Variants in PREX2 observed in about 807,000 individuals in gnomAD.
PREX2 encodes phosphatidylinositol 3,4,5-trisphosphate-dependent Rac exchanger 2 protein.
A neutral mutation model predicts 203.2 loss-of-function variants in PREX2; 107 were observed. That is an observed-to-expected ratio of 0.53 (90% CI 0.45 to 0.62). The LOEUF is 0.62. PREX2 is among the 20% of genes least tolerant of loss of function. PREX2 has a pLI of 0.00. For synonymous variants in PREX2, 672 were observed against 663.6 expected (o/e 1.01, Z -0.19); for missense variants, 1,777 against 1,955.9 (o/e 0.91, Z 1.72).
intron 31 of PREX2, among the ~76,000 whole-genome samples, chr8:68,131,520 G>A (rs1811008483): frequency 6.6e-6 from 1 of 152,154 alleles, no homozygotes; most frequent in African/African-American, 2.4e-5. Flanking sequence ...TTGAATTGGT[G>A]AATGAAAATA....
chr8:68,161,735 A>G (rs1327574174), intron 35 of PREX2, among the ~76,000 whole-genome samples: 5 of 152,056 alleles, frequency 3.3e-5, no homozygotes, highest in Non-Finnish European at 5.9e-5. Context: ...AACTTTCTTT[A>G]CATCGTATTT....
chr8:68,078,711 C>T (rs370051158), intron 15 of PREX2, among the ~76,000 whole-genome samples: 3 of 152,000 alleles, frequency 2.0e-5, no homozygotes, highest in Non-Finnish European at 2.9e-5. Flanking sequence ...AAACTATGAA[C>T]GGAAGAAATT....
chr8:67,987,514 A>G (rs1036611079), intron 1 of PREX2, among the ~76,000 whole-genome samples: 5 of 152,216 alleles, frequency 3.3e-5, no homozygotes, highest in African/African-American at 1.2e-4. Flanking sequence ...ATGAAGTTGC[A>G]GCTGGCATTG....
At chr8:68,049,372 A>G (rs1054589655) in intron 8 of PREX2, among the ~76,000 whole-genome samples, 2 of 152,104 alleles carry the variant, frequency 1.3e-5, no homozygotes, top group East Asian at 1.9e-4. Context: ...TAGTCTGGCA[A>G]TTTCTTCTGT....
At position 68,108,313 on chromosome 8, in the gene PREX2, A is replaced by G. The variant is rs1215953628; in HGVS notation, c.2920A>G (p.Asn974Asp). The G allele has an allele frequency of 1.2e-6, 2 of 1,613,432 alleles. No homozygotes were observed. The highest frequency in any genetic ancestry group is 2.7e-5 in the African/African-American group (2 of 74,906). ...SRKHNSHDKENKSSEQGKLSP... is the reference protein window; with the variant it reads ...SRKHNSHDKEDKSSEQGKLSP... ...GAAGCATAATTCTCATGATAAAGAA[A>G]ACAAATCTTCGGAGCAAGGTATGCT... is the stretch of plus-strand genomic sequence containing the variant. The change falls in exon 24 of 40, where the codon AAC becomes GAC. Residue 974 changes from asparagine (N) to aspartate (D), a missense_variant. By Grantham distance (23) the Asn-to-Asp change is conservative. Transcript: ENST00000288368.
chr8:68,152,215 G>A (rs1811448192), intron 34 of PREX2, among the ~76,000 whole-genome samples: 1 of 142,010 alleles, frequency 7.0e-6, no homozygotes, highest in African/African-American at 2.6e-5. Flanking sequence ...TGTCCCGGGA[G>A]GCAGAGCTTG....
intron 36 of PREX2, among the ~76,000 whole-genome samples, chr8:68,192,044 C>T (rs1225541179): frequency 6.6e-6 from 1 of 152,090 alleles, no homozygotes; most frequent in Non-Finnish European, 1.5e-5. Context: ...ACCCATCAAC[C>T]CATCACCTAC....
At chr8:68,064,802 C>T (rs1191081866) in intron 11 of PREX2, among the ~76,000 whole-genome samples, 1 of 152,130 alleles carries the variant, frequency 6.6e-6, no homozygotes, top group Admixed American at 6.5e-5. Context: ...ATGAGTGCCA[C>T]CGCACCTTTA....
intron 1 of PREX2, among the ~76,000 whole-genome samples, chr8:67,993,443 G>A (rs868556680): frequency 3.0e-5 from 4 of 132,994 alleles, no homozygotes; most frequent in African/African-American, 5.7e-5. Flanking sequence ...GTCTCACTCT[G>A]TCGCCCAGAC....
chr8:67,969,656 T>C (rs1805869149), intron 1 of PREX2, among the ~76,000 whole-genome samples: 1 of 152,222 alleles, frequency 6.6e-6, no homozygotes, highest in African/African-American at 2.4e-5. Context: ...TTTATGATTA[T>C]TGTATAATTT....
intron 23 of PREX2, chr8:68,105,321 C>A (rs1398927258): frequency 7.3e-7 from 1 of 1,367,662 alleles, no homozygotes. Flanking sequence ...TGAGGACCTT[C>A]CTTCTCAAGA....
At chr8:67,984,628 G>T (rs569765152) in intron 1 of PREX2, among the ~76,000 whole-genome samples, 5 of 152,186 alleles carry the variant, frequency 3.3e-5, no homozygotes, top group Non-Finnish European at 7.3e-5. Context: ...AGGACTTGTG[G>T]CAATTCAGTG....
chr8:68,088,808 G>A (rs1809778297), intron 19 of PREX2, among the ~76,000 whole-genome samples: 1 of 152,100 alleles, frequency 6.6e-6, no homozygotes, highest in Non-Finnish European at 1.5e-5. Context: ...AAGACAAAAA[G>A]GAATAATTCA....
rs1813021414 is a variant in PREX2 at position 68,224,627 on chromosome 8, G to C, written c.4775+1G>C. On this transcript the variant is annotated splice_donor_variant, in intron 39 of 39. Transcript: ENST00000288368. LOFTEE classifies it high-confidence loss of function. ...ACCGGACTCCACAGTCTGCACCAAG[G>C]TAAGTGCATCCCCTGCTCTGCCCTT... The C allele has an allele frequency of 6.2e-7, 1 of 1,611,536 alleles. No homozygotes were observed. Among genetic ancestry groups the C allele is most frequent in the Non-Finnish European group, 8.5e-7 (1 of 1,178,096 alleles).
At chr8:67,970,621 C>G (rs1034995527) in intron 1 of PREX2, among the ~76,000 whole-genome samples, 2 of 152,156 alleles carry the variant, frequency 1.3e-5, no homozygotes, top group Non-Finnish European at 2.9e-5. Flanking sequence ...ACACTAATAG[C>G]TACAGACTCA....
chr8:68,011,560 CT>C (rs1409529932), intron 1 of PREX2, among the ~76,000 whole-genome samples: 1 of 152,088 alleles, frequency 6.6e-6, no homozygotes, highest in Admixed American at 6.6e-5. Flanking sequence ...CTCTAACTTA[CT>C]GTTATTCAGG....
intron 30 of PREX2, among the ~76,000 whole-genome samples, chr8:68,123,860 T>TATCA (rs1810834373): frequency 6.6e-6 from 1 of 152,006 alleles, no homozygotes. Context: ...GTACAGTTTC[T>TATCA]ATCAAAACTA....
rs761092023 is a variant in PREX2 at position 68,157,335 on chromosome 8, G to GGA, written c.4246_4247dup (p.Gly1417LysfsTer18). The GGA allele has an allele frequency of 6.2e-7, 1 of 1,600,800 alleles. No homozygotes were observed. Among genetic ancestry groups the GGA allele is most frequent in the Non-Finnish European group, 8.6e-7 (1 of 1,168,360 alleles). On this transcript the variant is annotated frameshift_variant, in exon 35 of 40. Coordinates refer to ENST00000288368, the MANE Select transcript of PREX2 (RefSeq NM_024870.4). LOFTEE classifies it high-confidence loss of function. ...TTGTTTACACAGCACTAGAGAGCAT[G>GGA]GAAGGATATTATTACAGAGACAATG...
Position 68,128,206 on chromosome 8 carries a change from T to C in PREX2, c.3766+787T>C, listed in dbSNP as rs1287239282. 3.3e-5 allele frequency among the ~76,000 whole-genome samples: 5 copies of C among 152,322 alleles called. No individual in the cohort carries two copies. The East Asian group carries it at 9.6e-4, about 29-fold the overall frequency. ...TTCTGTAGATTCAGAGATATATAGA[T>C]ATGTTGAATGAGTTACTTTTATTAT... is the stretch of plus-strand genomic sequence containing the variant. On this transcript the variant is annotated intron_variant, in intron 31 of 39. Coordinates refer to ENST00000288368, the MANE Select transcript of PREX2 (RefSeq NM_024870.4).
Sources: allele counts gnomAD v4.1 joint callset (sites outside exome capture counted in the v4.1 genomes callset), GRCh38; gene constraint gnomAD v4.1.1; transcripts MANE v1.5; gene names NCBI Gene and HGNC (gene_info 2026-07-23, HGNC 2026-07-21).